TTI1: variants seen among roughly 807,000 people sequenced by gnomAD.
The protein encoded by TTI1 is TELO2 interacting protein 1.
In TTI1, 52 loss-of-function variants were observed where a neutral mutation model predicts 85.4. The ratio of observed to expected loss-of-function variants is 0.61; its 90% CI spans 0.49 to 0.77. The LOEUF (loss-of-function observed/expected upper bound fraction) is 0.77. Among genes scored for constraint, TTI1 ranks in the 30% least tolerant of loss-of-function variants. The pLI, the probability that TTI1 is intolerant of heterozygous loss-of-function variation, is 0.00. For missense variants in TTI1, 1,173 were observed against 1,296.0 expected (o/e 0.91, Z 1.46); for synonymous variants, 512 against 503.9 (o/e 1.02, Z -0.22).
intron 1 of TTI1, among the ~76,000 whole-genome samples, chr20:38,024,288 C>G (rs2073808429): frequency 6.6e-6 from 1 of 152,110 alleles, no homozygotes; most frequent in Non-Finnish European, 1.5e-5. Flanking sequence ...TGTTCACACA[C>G]ACACATGAAT....
At chr20:37,988,781 T>TAAGCTCACTTGTGGGAAAGC (rs1321877595) in intron 7 of TTI1, among the ~76,000 whole-genome samples, 1 of 152,222 alleles carries the variant, frequency 6.6e-6, no homozygotes, top group Non-Finnish European at 1.5e-5. Context: ...AGTGGGAAAG[T>TAAGCTCACTTGTGGGAAAGC]AAGCTCACTT....
intron 4 of TTI1, among the ~76,000 whole-genome samples, chr20:38,002,194 C>G (rs1408301043): frequency 6.6e-6 from 1 of 152,126 alleles, no homozygotes; most frequent in Non-Finnish European, 1.5e-5. Context: ...GGGGGTGCTG[C>G]TTGGCAAACT....
chr20:38,002,645 G>T lies in TTI1; in HGVS notation c.2635C>A (p.Leu879Met), dbSNP rs906163155. The change falls in exon 4 of 8, where the codon CTG becomes ATG. Residue 879 changes from leucine to methionine, a missense_variant. Physicochemically the swap from Leu to Met is conservative, Grantham distance 15. Coordinates refer to ENST00000373447, the MANE Select transcript of TTI1 (RefSeq NM_001303457.2). ...GCACTGACCTTCAGGCGGATTTGCAGATTTTTATCTGACAACAAGTGGATG... is the reference window on the plus strand; with the variant it reads ...GCACTGACCTTCAGGCGGATTTGCATATTTTTATCTGACAACAAGTGGATG... Reference protein sequence around the residue: ...RCIHLLSDKNLQIRLKVLDVL... With the variant: ...RCIHLLSDKNMQIRLKVLDVL... 6.2e-7 allele frequency: 1 copy of T among 1,614,222 alleles called. No homozygotes were observed. Among genetic ancestry groups the T allele is most frequent in the Non-Finnish European group, 8.5e-7 (1 of 1,180,036 alleles).
Position 38,012,007 on chromosome 20 carries a change from C to G in TTI1, c.1810G>C (p.Val604Leu). ...TTTGAGAAGGCTAGAAAAGATGTAA[C>G]TTGGCAGGTGTGTTCACCAGACGTG... is the stretch of plus-strand genomic sequence containing the variant. ...AITSGEHTCQ[V>L]TSFLAFSKPS... The change falls in exon 2 of 8, where the codon GTT (valine) becomes CTT (leucine). Residue 604 changes from valine (V) to leucine (L), a missense_variant. Val to Leu is a conservative substitution (Grantham distance 32). Transcript: ENST00000373447. 6.2e-7 allele frequency: 1 copy of G among 1,614,220 alleles called. No homozygotes were observed. Among genetic ancestry groups the G allele is most frequent in the Non-Finnish European group, 8.5e-7 (1 of 1,180,046 alleles).
intron 7 of TTI1, among the ~76,000 whole-genome samples, chr20:37,992,899 G>C (rs1013695075): frequency 1.3e-5 from 2 of 152,172 alleles, no homozygotes; most frequent in Non-Finnish European, 2.9e-5. Context: ...CCTGGAGACT[G>C]AGAATTTCAA....
At chr20:38,001,106 G>A (rs1218201057) in intron 4 of TTI1, among the ~76,000 whole-genome samples, 1 of 152,162 alleles carries the variant, frequency 6.6e-6, no homozygotes, top group Non-Finnish European at 1.5e-5. Flanking sequence ...CAAAAGACAG[G>A]GAGTTCCATG....
chr20:38,016,908 C>A (rs1034569139), intron 1 of TTI1, among the ~76,000 whole-genome samples: 1 of 152,210 alleles, frequency 6.6e-6, no homozygotes, highest in African/African-American at 2.4e-5. Context: ...CCATGGCATA[C>A]GGGGCCTTTC....
chr20:37,999,517 C>T (rs2073390887), intron 4 of TTI1, among the ~76,000 whole-genome samples, 189 bp from the exon 5 acceptor site: 1 of 152,148 alleles, frequency 6.6e-6, no homozygotes, highest in Non-Finnish European at 1.5e-5. Context: ...GTTTCCTTGC[C>T]TTTGCAGGGT....
intron 3 of TTI1, among the ~76,000 whole-genome samples, chr20:38,003,481 A>T (rs919105510): frequency 6.6e-6 from 1 of 152,158 alleles, no homozygotes; most frequent in Admixed American, 6.5e-5. Flanking sequence ...ATTTCCATTA[A>T]TGAATATTTA....
intron 1 of TTI1, among the ~76,000 whole-genome samples, chr20:38,023,729 T>G (rs1357420504): frequency 6.6e-6 from 1 of 152,262 alleles, no homozygotes; most frequent in Non-Finnish European, 1.5e-5. Flanking sequence ...AGAAGCTGGA[T>G]AAACATTAAC....
Position 37,996,480 on chromosome 20 carries a change from A to T in TTI1, c.2999-18T>A. The T allele has an allele frequency of 6.2e-7, 1 of 1,612,364 alleles. No individual in the cohort carries two copies. The highest frequency in any genetic ancestry group is 8.5e-7 in the Non-Finnish European group (1 of 1,179,896). On this transcript the variant is annotated intron_variant, in intron 6 of 7. Coordinates refer to ENST00000373447, the MANE Select transcript of TTI1 (RefSeq NM_001303457.2). ...ACCCTCACCTGCAGAAAAGAAAAACAAAACAAGCATCAGCCCTTACACTTC... is the reference window on the plus strand; with the variant it reads ...ACCCTCACCTGCAGAAAAGAAAAACTAAACAAGCATCAGCCCTTACACTTC...
intron 5 of TTI1, 137 bp from the exon 6 acceptor site, chr20:37,997,090 G>T (rs2073353732): frequency 9.9e-7 from 1 of 1,014,438 alleles, no homozygotes; most frequent in African/African-American, 1.6e-5. Context: ...TTAATTCCTT[G>T]CCCATGGTTT....
chr20:37,994,426 C>T lies in TTI1; in HGVS notation c.3086+1949G>A, dbSNP rs999720216. On this transcript the variant is annotated intron_variant, in intron 7 of 7. Transcript: ENST00000373447. The stretch of plus-strand genomic sequence containing the variant: ...GGGATAACAGGCGTAAGCCACCCAC[C>T]GCACCCAGCTGCCAGGTATGACTTT... 3.9e-5 allele frequency among the ~76,000 whole-genome samples: 6 copies of T among 152,304 alleles called. No individual in the cohort carries two copies. In the South Asian group the frequency reaches 8.3e-4, roughly 21 times the overall value.
intron 4 of TTI1, among the ~76,000 whole-genome samples, chr20:37,999,808 G>A (rs922516887): frequency 1.4e-4 from 22 of 152,198 alleles, no homozygotes; most frequent in African/African-American, 3.6e-4. Context: ...GAAGGGCAGC[G>A]TGGAGCATTA....
intron 6 of TTI1, 66 bp from the exon 7 acceptor site, chr20:37,996,528 C>T (rs1451021213): frequency 1.7e-5 from 27 of 1,578,402 alleles, no homozygotes; most frequent in Admixed American, 8.4e-5. Flanking sequence ...CAGTGACCAA[C>T]TGTGTCTGGA....
chr20:37,987,782 A>C (rs1418962213), intron 7 of TTI1, among the ~76,000 whole-genome samples: 1 of 152,186 alleles, frequency 6.6e-6, no homozygotes, highest in African/African-American at 2.4e-5. Context: ...AGTTTTATTG[A>C]ATTTCACTCC....
intron 2 of TTI1, among the ~76,000 whole-genome samples, chr20:38,007,738 A>G (rs1036670499): frequency 3.9e-5 from 6 of 152,220 alleles, no homozygotes; most frequent in Admixed American, 3.9e-4. Flanking sequence ...ACAGAGCAAG[A>G]GCAGCAGCAG....
At chr20:38,009,492 C>T (rs16987074) in intron 2 of TTI1, among the ~76,000 whole-genome samples, 4,191 of 152,060 alleles carry the variant, frequency 0.028, 200 homozygotes, top group African/African-American at 0.097. Flanking sequence ...CTGGGCCTTC[C>T]CACCTGAATT....
intron 3 of TTI1, among the ~76,000 whole-genome samples, chr20:38,004,939 A>G (rs909311953): frequency 6.6e-6 from 1 of 152,262 alleles, no homozygotes. Context: ...AAATCTGAGA[A>G]GAAAAAGCCT....
Sources: gnomAD v4.1 joint callset for allele counts (sites outside exome capture counted in the v4.1 genomes callset) on GRCh38, gnomAD v4.1.1 for gene constraint, MANE v1.5 for transcripts, NCBI Gene and HGNC (gene_info 2026-07-23, HGNC 2026-07-21) for gene names.